Variants in TMPRSS15 observed in about 807,000 individuals in gnomAD.
The protein encoded by TMPRSS15 is enteropeptidase.
Under a neutral mutation model 125.3 loss-of-function variants are expected in TMPRSS15, and 128 were observed. That is an observed-to-expected ratio of 1.02 (90% CI 0.89 to 1.18). TMPRSS15 has a LOEUF of 1.18. Ranked by LOEUF, TMPRSS15 falls within the 50% of genes most tolerant of loss-of-function variation. TMPRSS15 has a pLI of 0.00. For synonymous variants in TMPRSS15, 446 were observed against 423.2 expected (o/e 1.05, Z -0.66); for missense variants, 1,283 against 1,212.7 (o/e 1.06, Z -0.86).
At chr21:18,391,433 C>T (rs2075989497) in intron 3 of TMPRSS15, among the ~76,000 whole-genome samples, 1 of 152,232 alleles carries the variant, frequency 6.6e-6, no homozygotes, top group African/African-American at 2.4e-5. Flanking sequence ...CCATGCAACT[C>T]CAAAATCCAG....
chr21:18,473,510 TATA>T (rs375466041), intron 1 of TMPRSS15, among the ~76,000 whole-genome samples: 31 of 152,198 alleles, frequency 2.0e-4, no homozygotes, highest in South Asian at 6.2e-4. Flanking sequence ...AGAACAATCC[TATA>T]ATATTTTACT....
chr21:18,470,910 T>C (rs935707154), intron 1 of TMPRSS15, among the ~76,000 whole-genome samples: 14 of 152,076 alleles, frequency 9.2e-5, no homozygotes, highest in Non-Finnish European at 1.9e-4. Context: ...AATGATTCTC[T>C]GGGGAACCGA....
At chr21:18,360,008 G>C in intron 7 of TMPRSS15, 145 bp from the exon 8 acceptor site, 1 of 534,380 alleles carries the variant, frequency 1.9e-6, no homozygotes, top group South Asian at 2.0e-5. Context: ...GTACAGTGCA[G>C]TATTGCCGGT....
chr21:18,474,579 C>T (rs180909030), intron 1 of TMPRSS15, among the ~76,000 whole-genome samples: 40 of 152,088 alleles, frequency 2.6e-4, no homozygotes, highest in East Asian at 2.1e-3. Context: ...TGTGAGCCAC[C>T]GCACCTGGCC....
At chr21:18,297,905 T>A in intron 18 of TMPRSS15, 76 bp from the exon 19 acceptor site, 1 of 1,132,790 alleles carries the variant, frequency 8.8e-7, no homozygotes, top group Non-Finnish European at 1.3e-6. Context: ...TTTCAGTTCC[T>A]TAATGCTATG....
chr21:18,442,570 A>T lies in TMPRSS15; in HGVS notation c.10+43229T>A, dbSNP rs1356807508. Among the ~76,000 whole-genome samples the T allele has an allele frequency of 2.6e-5, 4 of 152,152 alleles. No individual in the cohort carries two copies. The East Asian group carries it at 7.7e-4, about 29-fold the overall frequency. ...CTTCCTAGATGTTCTTAGGAGAAAA[A>T]ACTCCCTTGCATCACACAAAGCCAA... On this transcript the variant is annotated intron_variant, in intron 1 of 7. Coordinates refer to the TMPRSS15 transcript ENST00000422787.
chr21:18,276,863 G>T (rs906645376), intron 23 of TMPRSS15, among the ~76,000 whole-genome samples: 2 of 149,986 alleles, frequency 1.3e-5, no homozygotes, highest in Non-Finnish European at 3.0e-5. Flanking sequence ...GGGTTCAAGT[G>T]ATTCTCCTGC....
At chr21:18,400,110 T>C (rs924274204) in intron 1 of TMPRSS15, among the ~76,000 whole-genome samples, 3 of 152,134 alleles carry the variant, frequency 2.0e-5, no homozygotes, top group Non-Finnish European at 2.9e-5. Flanking sequence ...TCCATGCTAA[T>C]GGATTGGAAG....
intron 3 of TMPRSS15, among the ~76,000 whole-genome samples, chr21:18,396,792 A>AAAAAATCTGTCTGTCTGTCTGTCTG (rs1408156983): frequency 8.9e-6 from 1 of 112,792 alleles, no homozygotes; most frequent in East Asian, 3.8e-4. Flanking sequence ...AAAAAAAAAA[A>AAAAAATCTGTCTGTCTGTCTGTCTG]TCTGTCTGTC....
chr21:18,482,421 G>C (rs1978998333), intron 1 of TMPRSS15, among the ~76,000 whole-genome samples: 1 of 151,442 alleles, frequency 6.6e-6, no homozygotes, highest in South Asian at 2.1e-4. Flanking sequence ...TTTTAAAGTT[G>C]CTAGAAGAGA....
rs2075528941 is a variant in TMPRSS15, at chr21:18,348,170, G to A, written c.1172-4110C>T. ...ACTGTACTCCAGTCTGGGAGACAGA[G>A]TGATCCTGTCTCTAAACAAATAAAT... is the stretch of plus-strand genomic sequence containing the variant. On this transcript the variant is annotated intron_variant, in intron 10 of 24. Coordinates refer to ENST00000284885, the MANE Select transcript of TMPRSS15 (RefSeq NM_002772.3). Among the ~76,000 whole-genome samples the A allele has an allele frequency of 3.3e-5, 5 of 151,394 alleles. No individual in the cohort carries two copies. The South Asian group carries it at 1.0e-3, about 31-fold the overall frequency.
At chr21:18,295,073 G>A (rs895676957) in intron 19 of TMPRSS15, among the ~76,000 whole-genome samples, 1 of 152,168 alleles carries the variant, frequency 6.6e-6, no homozygotes, top group African/African-American at 2.4e-5. Context: ...ATAACACAGA[G>A]TATGCCTCAG....
chr21:18,434,990 G>A (rs1441435146), intron 1 of TMPRSS15, among the ~76,000 whole-genome samples: 1 of 152,100 alleles, frequency 6.6e-6, no homozygotes, highest in Admixed American at 6.6e-5. Flanking sequence ...CTTGAGGAAA[G>A]AAGTCCTTGG....
chr21:18,279,303 T>C (rs1223580038), intron 22 of TMPRSS15, among the ~76,000 whole-genome samples: 1 of 136,766 alleles, frequency 7.3e-6, no homozygotes, highest in Admixed American at 7.5e-5. Flanking sequence ...ACTAGTCTCC[T>C]CGTTACTCTT....
At chr21:18,321,913 C>G (rs185559830) in intron 16 of TMPRSS15, among the ~76,000 whole-genome samples, 1 of 152,278 alleles carries the variant, frequency 6.6e-6, no homozygotes, top group East Asian at 1.9e-4. Context: ...AAACCACACT[C>G]CCCATGTATT....
intron 1 of TMPRSS15, among the ~76,000 whole-genome samples, chr21:18,418,048 C>G (rs931956344): frequency 3.3e-5 from 5 of 152,204 alleles, no homozygotes; most frequent in Admixed American, 6.5e-5. Context: ...CACTTGGATC[C>G]TGGTCTCTTT....
intron 18 of TMPRSS15, among the ~76,000 whole-genome samples, chr21:18,309,407 G>A (rs1350850263): frequency 1.3e-5 from 2 of 152,136 alleles, no homozygotes; most frequent in Non-Finnish European, 2.9e-5. Context: ...ATTGACAAAT[G>A]GGATGTAATT....
chr21:18,387,389 C>A (rs1426228739), intron 3 of TMPRSS15, among the ~76,000 whole-genome samples: 3 of 152,080 alleles, frequency 2.0e-5, no homozygotes, highest in African/African-American at 7.2e-5. Flanking sequence ...TTTAGGGCTG[C>A]TGAGTAAACA....
At position 18,312,907 on chromosome 21, in the gene TMPRSS15, G is replaced by T. The variant is rs368892564; in HGVS notation, c.2165+38C>A. ...TAATTTGATAGTAATAAAAAGGTTT[G>T]CAAATCTCTTAAAAAGGAACTCAGT... On this transcript the variant is annotated intron_variant, in intron 18 of 24. Coordinates refer to ENST00000284885, the MANE Select transcript of TMPRSS15 (RefSeq NM_002772.3). The T allele has an allele frequency of 6.8e-6, 11 of 1,610,036 alleles. No individual in the cohort carries two copies. In the African/African-American group the frequency reaches 1.3e-4, roughly 20 times the overall value.
Sources: gnomAD v4.1 joint callset for allele counts (sites outside exome capture counted in the v4.1 genomes callset) on GRCh38, gnomAD v4.1.1 for gene constraint, MANE v1.5 for transcripts, NCBI Gene and HGNC (gene_info 2026-07-23, HGNC 2026-07-21) for gene names.